CYBRD1: variants seen among roughly 807,000 people sequenced by gnomAD.
CYBRD1 encodes cytochrome b reductase 1.
In CYBRD1, 14 loss-of-function variants were observed where a neutral mutation model predicts 21.9. The ratio of observed to expected loss-of-function variants is 0.64; its 90% confidence interval spans 0.42 to 1.00. CYBRD1 has a LOEUF of 1.00. CYBRD1 is among the 50% of genes least tolerant of loss of function. CYBRD1 has a pLI of 0.00. For missense variants in CYBRD1, 328 were observed against 352.5 expected, an observed-to-expected ratio of 0.93 and a Z score of 0.56; for synonymous variants, 146 against 136.5, an observed-to-expected ratio of 1.07 and a Z score of -0.48.
At chr2:171,543,542 C>G (rs1296125176) in intron 2 of CYBRD1, among the ~76,000 whole-genome samples, 1 of 152,148 alleles carries the variant, frequency 6.6e-6, no homozygotes, top group Admixed American at 6.5e-5. Flanking sequence ...GGTTACCATT[C>G]TCCCGGTGTT....
At chr2:171,532,887 G>A (rs1219636207) in intron 1 of CYBRD1, among the ~76,000 whole-genome samples, 1 of 150,876 alleles carries the variant, frequency 6.6e-6, no homozygotes, top group Non-Finnish European at 1.5e-5. Context: ...GTGTGTGTGT[G>A]TGTGTGTGTG....
At chr2:171,536,028 T>C (rs1010727521) in intron 1 of CYBRD1, among the ~76,000 whole-genome samples, 2 of 151,876 alleles carry the variant, frequency 1.3e-5, no homozygotes. Context: ...GTTTATCACA[T>C]GCACACATCC....
intron 1 of CYBRD1, 97 bp from the exon 2 acceptor site, chr2:171,541,488 G>A: frequency 1.6e-6 from 2 of 1,225,216 alleles, no homozygotes; most frequent in Non-Finnish European, 1.2e-6. Flanking sequence ...AGGGAAAAAG[G>A]TTTCAAAAAG....
chr2:171,525,870 TCGGGAAA>T (rs1476552146), intron 1 of CYBRD1, among the ~76,000 whole-genome samples: 8 of 145,666 alleles, frequency 5.5e-5, no homozygotes, highest in Non-Finnish European at 1.2e-4. Flanking sequence ...TTGCTTGAAC[TCGGGAAA>T]CGGAGGTTGC....
intron 2 of CYBRD1, among the ~76,000 whole-genome samples, chr2:171,543,850 T>A (rs2105341113): frequency 6.6e-6 from 1 of 152,292 alleles, no homozygotes; most frequent in South Asian, 2.1e-4. Context: ...TGCCACAAAT[T>A]TACTTACCTG....
chr2:171,552,668 C>T (rs1008910477), intron 2 of CYBRD1, among the ~76,000 whole-genome samples: 13 of 152,146 alleles, frequency 8.5e-5, no homozygotes, highest in African/African-American at 2.4e-4. Context: ...ACCGTGAAAG[C>T]GCAACAGACT....
At position 171,554,560 on chromosome 2, in the gene CYBRD1, T is replaced by C. The variant is rs1230899236; in HGVS notation, c.594T>C (p.Gly198=). 1.2e-6 allele frequency: 2 copies of C among 1,613,894 alleles called. No individual in the cohort carries two copies. Among genetic ancestry groups the C allele is most frequent in the African/African-American group, 2.7e-5 (2 of 74,896 alleles). Residue 198 remains glycine (G), a synonymous_variant, in exon 4 of 4, where the codon GGT becomes GGC. Transcript: ENST00000321348. ...DPAYSTFPPE[G]VFVNTLGLLI... is the part of the protein sequence containing the mutation. ...CATACAGTACATTCCCGCCAGAAGG[T>C]GTTTTCGTAAATACGCTTGGCCTTC...
chr2:171,522,656 G>T lies in CYBRD1; in HGVS notation c.111G>T (p.Gly37=). The stretch of plus-strand genomic sequence containing the variant: ...TCTGGGTCCTCCACTACCGAGAGGG[G>T]CTTGGCTGGGATGGGAGCGCACTAG... ...ALVWVLHYRE[G]LGWDGSALEF... The change falls in exon 1 of 4, where the codon GGG becomes GGT. Residue 37 remains glycine, a synonymous_variant. Transcript: ENST00000321348. This position sits in a 1 kb window ranked among gnomAD's most constrained non-coding sequence, Gnocchi z 4.3. 1.2e-6 allele frequency: 2 copies of T among 1,613,560 alleles called. No individual in the cohort carries two copies. Among genetic ancestry groups the T allele is most frequent in the Non-Finnish European group, 1.7e-6 (2 of 1,179,934 alleles).
chr2:171,539,905 A>G (rs964440029), intron 1 of CYBRD1: 2 of 151,926 alleles, frequency 1.3e-5, no homozygotes, highest in African/African-American at 2.4e-5. Context: ...ATTTTTTTGT[A>G]TTTTTAGTAG....
intron 1 of CYBRD1, among the ~76,000 whole-genome samples, chr2:171,533,983 G>A (rs1477340141): frequency 6.6e-6 from 1 of 152,098 alleles, no homozygotes; most frequent in Admixed American, 6.6e-5. Context: ...TGGGATTACA[G>A]GCGTGAGCCA....
chr2:171,526,383 TC>T (rs905356043), intron 1 of CYBRD1, among the ~76,000 whole-genome samples: 1 of 152,012 alleles, frequency 6.6e-6, no homozygotes, highest in African/African-American at 2.4e-5. Flanking sequence ...TCTCTCCTTG[TC>T]CCATTTTCTC....
chr2:171,539,138 A>G (rs1697591178), intron 1 of CYBRD1, among the ~76,000 whole-genome samples: 1 of 152,128 alleles, frequency 6.6e-6, no homozygotes, highest in African/African-American at 2.4e-5. Flanking sequence ...ATATATTAAA[A>G]TTATAAAAGC....
intron 1 of CYBRD1, among the ~76,000 whole-genome samples, chr2:171,526,947 G>T (rs765640531): frequency 1.1e-3 from 162 of 152,256 alleles, no homozygotes; most frequent in Non-Finnish European, 1.9e-3. Context: ...CTACCTTTAA[G>T]TAACATTTAA....
chr2:171,537,012 A>G (rs146294722), intron 1 of CYBRD1, among the ~76,000 whole-genome samples: 168 of 152,318 alleles, frequency 1.1e-3, no homozygotes, highest in African/African-American at 3.8e-3. Flanking sequence ...GGGACAAACT[A>G]CTTAACCTCT....
Position 171,541,588 on chromosome 2 carries a change from T to A in CYBRD1, c.197T>A (p.Ile66Asn). 6.2e-7 allele frequency: 1 copy of A among 1,613,814 alleles called. No homozygotes were observed. Among genetic ancestry groups the A allele is most frequent in the Non-Finnish European group, 8.5e-7 (1 of 1,179,862 alleles). Residue 66 changes from isoleucine (I) to asparagine (N), a missense_variant, in exon 2 of 4, where the codon ATC (isoleucine) becomes AAC (asparagine). By Grantham distance (149) the Ile-to-Asn change is moderately radical. Coordinates refer to ENST00000321348, the MANE Select transcript of CYBRD1 (RefSeq NM_024843.4). ...GTGTCCTTTCGTCTTTCCCTAGCCATCATCGTCTACAGACTGCCGTGGACC... is the reference window on the plus strand; with the variant it reads ...GTGTCCTTTCGTCTTTCCCTAGCCAACATCGTCTACAGACTGCCGTGGACC... ...TGFVFIQGIA[I>N]IVYRLPWTWK... is the part of the protein sequence containing the mutation.
At chr2:171,525,129 G>T (rs891803898) in intron 1 of CYBRD1, among the ~76,000 whole-genome samples, 5 of 152,064 alleles carry the variant, frequency 3.3e-5, no homozygotes, top group Non-Finnish European at 7.4e-5. Flanking sequence ...GTAGAGACGG[G>T]GTTTCACCAT....
rs1311212850 is a variant in CYBRD1 at position 171,557,887 on chromosome 2, G to C, written c.*3060G>C. On this transcript the variant is annotated 3_prime_UTR_variant, in exon 4 of 4. Coordinates refer to ENST00000321348, the MANE Select transcript of CYBRD1 (RefSeq NM_024843.4). ...ATTTATCTTGGTATGTCCTTTTTTA[G>C]ATAACTCCAGCAGGAAACTGTAACT... 2.0e-5 allele frequency: 3 copies of C among 152,030 alleles called. No homozygotes were observed. The highest frequency in any genetic ancestry group is 7.2e-5 in the African/African-American group (3 of 41,420). The allele number at this position is 152,030 out of a possible 1,614,324, so 9.4% of individuals were successfully genotyped here.
rs1697321725 is a variant in CYBRD1 at position 171,522,522 on chromosome 2, C to T, written c.-24C>T. 4 of 1,576,602 alleles carry T rather than the reference C, an allele frequency of 2.5e-6. No homozygotes were observed. Among genetic ancestry groups the T allele is most frequent in the Admixed American group, 1.9e-5 (1 of 52,256 alleles). Reference sequence around the variant, plus strand: ...CGCCTCTCCAAGTTCTTGTGGCCCCCGCGGTGCGGAGTATGGGGCGCTGAT... The same window carrying T: ...CGCCTCTCCAAGTTCTTGTGGCCCCTGCGGTGCGGAGTATGGGGCGCTGAT... On this transcript the variant is annotated 5_prime_UTR_variant, in exon 1 of 4. Transcript: ENST00000321348. This position sits in a 1 kb window ranked among gnomAD's most constrained non-coding sequence, Gnocchi z 4.3.
At chr2:171,541,306 A>G (rs1316251740) in intron 1 of CYBRD1, among the ~76,000 whole-genome samples, 2 of 152,100 alleles carry the variant, frequency 1.3e-5, no homozygotes, top group African/African-American at 2.4e-5. Context: ...GATCACCCAC[A>G]AGAGGGAGTG....
Sources: gnomAD v4.1 joint callset for allele counts (sites outside exome capture counted in the v4.1 genomes callset) on GRCh38, gnomAD v4.1.1 for gene constraint, Gnocchi (gnomAD v3.1) non-coding constraint, MANE v1.5 for transcripts, NCBI Gene and HGNC (gene_info 2026-07-23, HGNC 2026-07-21) for gene names.